The following SPON1 variants were observed in gnomAD, a reference collection of about 807,000 sequenced individuals.
SPON1 encodes the protein spondin-1.
Under a neutral mutation model 111.7 loss-of-function variants are expected in SPON1, and 52 were observed. The observed-to-expected ratio is 0.47, with a 90% CI of 0.37 to 0.59. SPON1 has a LOEUF of 0.59. Among genes scored for constraint, SPON1 ranks in the 20% least tolerant of loss-of-function variants. The pLI is 0.00. For missense variants in SPON1, 957 were observed against 1,068.5 expected, an observed-to-expected ratio of 0.90 and a Z score of 1.46; for synonymous variants, 410 against 395.8, an observed-to-expected ratio of 1.04 and a Z score of -0.43.
intron 6 of SPON1, among the ~76,000 whole-genome samples, chr11:14,207,962 A>G (rs559627646): frequency 1.0e-4 from 16 of 152,384 alleles, no homozygotes; most frequent in African/African-American, 3.8e-4. Flanking sequence ...CTAAATGCCC[A>G]TCAGTGGTAG....
chr11:14,026,129 G>A (rs1848516312), intron 2 of SPON1, among the ~76,000 whole-genome samples: 2 of 152,220 alleles, frequency 1.3e-5, no homozygotes, highest in South Asian at 4.1e-4. Flanking sequence ...CTACAGCAGA[G>A]GGAAATGCTC....
intron 1 of SPON1, among the ~76,000 whole-genome samples, chr11:13,968,685 C>G (rs17462896): frequency 0.25 from 38,653 of 152,014 alleles, 5,062 homozygotes; most frequent in South Asian, 0.36. Flanking sequence ...CCGTTACAGC[C>G]GAGGAGAACC....
At chr11:14,177,901 G>A (rs1230861307) in intron 6 of SPON1, among the ~76,000 whole-genome samples, 4 of 152,112 alleles carry the variant, frequency 2.6e-5, no homozygotes, top group South Asian at 2.1e-4. Flanking sequence ...TTGCAAAGGC[G>A]ATTTCCCTGA....
chr11:14,047,670 AG>A (rs1204409575), intron 3 of SPON1, among the ~76,000 whole-genome samples: 2 of 152,202 alleles, frequency 1.3e-5, no homozygotes, highest in Admixed American at 6.5e-5. Context: ...AGACAGTGTT[AG>A]GGTTTGGATA....
At chr11:14,160,463 ATATATT>A (rs1847903417) in intron 6 of SPON1, among the ~76,000 whole-genome samples, 1 of 24,604 alleles carries the variant, frequency 4.1e-5, no homozygotes, top group African/African-American at 1.8e-4. Flanking sequence ...ATTTATATAT[ATATATT>A]TATATATATA....
chr11:14,128,856 C>A (rs782473623), intron 5 of SPON1, among the ~76,000 whole-genome samples: 15 of 152,270 alleles, frequency 9.9e-5, no homozygotes, highest in Admixed American at 2.0e-4. Flanking sequence ...AGACCCCCAA[C>A]ACCACGTAGA....
At chr11:14,072,936 C>A (rs1215791805) in intron 3 of SPON1, among the ~76,000 whole-genome samples, 1 of 152,092 alleles carries the variant, frequency 6.6e-6, no homozygotes, top group Admixed American at 6.5e-5. Context: ...ACCCATCTTC[C>A]CAGCTCATCT....
At chr11:14,060,223 C>A (rs191993016) in intron 3 of SPON1, among the ~76,000 whole-genome samples, 2 of 152,252 alleles carry the variant, frequency 1.3e-5, no homozygotes, top group African/African-American at 4.8e-5. Flanking sequence ...TATAGAAACT[C>A]GGCCTTCACT....
chr11:14,082,139 C>G (rs1420929266), intron 5 of SPON1, among the ~76,000 whole-genome samples: 1 of 152,062 alleles, frequency 6.6e-6, no homozygotes, highest in Non-Finnish European at 1.5e-5. Flanking sequence ...AGCTTCTTGA[C>G]CTTTCCTATT....
At chr11:14,153,767 G>A (rs551473748) in intron 6 of SPON1, among the ~76,000 whole-genome samples, 2 of 152,292 alleles carry the variant, frequency 1.3e-5, no homozygotes, top group South Asian at 4.1e-4. Context: ...CTGAGACAAG[G>A]CAAGTCCATT....
rs1554909844 is a variant in SPON1, at chr11:13,982,835, C to T, written c.239-12C>T. ...TCTTATACTTAAAACCTGCTTTTTT[C>T]TCTCTCTGCAGTAACACTTTCAGCT... On this transcript the variant is annotated splice_polypyrimidine_tract_variant and intron_variant, in intron 1 of 15. Coordinates refer to ENST00000576479, the MANE Select transcript of SPON1 (RefSeq NM_006108.4). The T allele has an allele frequency of 6.5e-7, 1 of 1,526,882 alleles. No individual in the cohort carries two copies. Among genetic ancestry groups the T allele is most frequent in the African/African-American group, 1.4e-5 (1 of 72,554 alleles). The allele number at this position is 1,526,882 out of a possible 1,614,324, so 94.6% of individuals were successfully genotyped here. A position where few individuals can be genotyped will look rare whatever the true frequency, so the allele number is the denominator to read the frequency against.
At chr11:14,108,458 C>T (rs1849201912) in intron 5 of SPON1, among the ~76,000 whole-genome samples, 1 of 152,124 alleles carries the variant, frequency 6.6e-6, no homozygotes. Flanking sequence ...CAACCTGACT[C>T]CTGAATTTCT....
chr11:14,015,906 T>TG (rs1264731266), intron 2 of SPON1, among the ~76,000 whole-genome samples: 8 of 152,282 alleles, frequency 5.3e-5, no homozygotes, highest in African/African-American at 1.9e-4. Flanking sequence ...CATAGCAGGC[T>TG]GGGGTAAGTT....
Position 14,216,539 on chromosome 11 carries a change from C to A in SPON1, c.826-26793C>A, listed in dbSNP as rs1261501178. Among the ~76,000 whole-genome samples, 3 of 152,244 alleles carry A rather than the reference C, an allele frequency of 2.0e-5. No homozygotes were observed. The East Asian group carries it at 5.8e-4, about 29-fold the overall frequency. ...TTTTTGTTTCTATAACAGAATACCA[C>A]AGTTAGCTTCATAGTTCTGGAGGCT... is the stretch of plus-strand genomic sequence containing the variant. On this transcript the variant is annotated intron_variant, in intron 6 of 15. Transcript: ENST00000576479.
intron 6 of SPON1, among the ~76,000 whole-genome samples, chr11:14,145,670 ATAAT>A (rs1847708838): frequency 6.6e-6 from 1 of 152,240 alleles, no homozygotes; most frequent in African/African-American, 2.4e-5. Context: ...ACATAATAAA[ATAAT>A]TCTATATCTA....
chr11:13,978,600 A>C (rs1356703941), intron 1 of SPON1, among the ~76,000 whole-genome samples: 3 of 152,232 alleles, frequency 2.0e-5, no homozygotes, highest in African/African-American at 7.2e-5. Context: ...CTTTGAGGTA[A>C]GTGCTGTTAC....
At chr11:14,020,999 A>T (rs566871912) in intron 2 of SPON1, among the ~76,000 whole-genome samples, 1 of 152,186 alleles carries the variant, frequency 6.6e-6, no homozygotes, top group African/African-American at 2.4e-5. Context: ...GCAGATTTAC[A>T]TGTATGTTTA....
At chr11:14,065,411 T>C (rs1269769855) in intron 3 of SPON1, among the ~76,000 whole-genome samples, 2 of 152,330 alleles carry the variant, frequency 1.3e-5, no homozygotes, top group Admixed American at 1.3e-4. Context: ...CCTTAGAGGC[T>C]GGGGCGATTA....
At chr11:14,258,528 G>A (rs117978922) in intron 11 of SPON1, among the ~76,000 whole-genome samples, 8 of 152,268 alleles carry the variant, frequency 5.3e-5, no homozygotes, top group African/African-American at 1.2e-4. Flanking sequence ...ATAGATCTAC[G>A]CTATTCTGCC....
Sources: allele counts gnomAD v4.1 joint callset (sites outside exome capture counted in the v4.1 genomes callset), GRCh38; gene constraint gnomAD v4.1.1; transcripts MANE v1.5; gene names NCBI Gene and HGNC (gene_info 2026-07-23, HGNC 2026-07-21).